Variants in AFG3L2 observed in about 807,000 individuals in gnomAD.
AFG3L2 encodes AFG3 like matrix AAA peptidase subunit 2, also known as mitochondrial inner membrane m-AAA protease component AFG3L2.
A neutral mutation model predicts 94.5 loss-of-function variants in AFG3L2; 54 were observed. The observed-to-expected ratio is 0.57, with a 90% confidence interval of 0.46 to 0.72. The LOEUF (loss-of-function observed/expected upper bound fraction) is 0.72. AFG3L2 is among the 30% of genes least tolerant of loss of function. AFG3L2 has a pLI of 0.00. For synonymous variants in AFG3L2, 377 were observed against 365.5 expected (o/e 1.03, Z -0.36); for missense variants, 754 against 994.9 (o/e 0.76, Z 3.26).
intron 16 of AFG3L2, among the ~76,000 whole-genome samples, chr18:12,333,106 T>A (rs1907619181): frequency 1.8e-5 from 1 of 56,656 alleles, no homozygotes; most frequent in Non-Finnish European, 3.5e-5. Context: ...ATCTATTATA[T>A]AACTATTATA....
At chr18:12,372,506 T>C (rs1031179819) in intron 1 of AFG3L2, among the ~76,000 whole-genome samples, 32 of 152,222 alleles carry the variant, frequency 2.1e-4, no homozygotes, top group African/African-American at 7.5e-4. Context: ...ACCACATGAC[T>C]CTATGGGTCA....
At chr18:12,344,752 G>A (rs1276468273) in intron 13 of AFG3L2, among the ~76,000 whole-genome samples, 1 of 151,610 alleles carries the variant, frequency 6.6e-6, no homozygotes, top group East Asian at 1.9e-4. Context: ...CAGAATAAAA[G>A]CAAAAGGTCA....
At chr18:12,353,302 G>A (rs900599859) in intron 9 of AFG3L2, 144 bp from the exon 10 acceptor site, 2 of 968,512 alleles carry the variant, frequency 2.1e-6, no homozygotes, top group Admixed American at 2.1e-5. Context: ...ATCACCTGAG[G>A]TCAGGAGTTC....
rs1359393745 is a variant in AFG3L2 at position 12,377,141 on chromosome 18, T to G, written c.-59A>C. 1 of 1,268,638 alleles carries G rather than the reference T, an allele frequency of 7.9e-7. No homozygotes were observed. 78.6% of individuals were successfully genotyped at this position (1,268,638 alleles called of 1,614,324 possible). A position where few individuals can be genotyped will look rare whatever the true frequency, so the allele number is the denominator to read the frequency against. On this transcript the variant is annotated 5_prime_UTR_variant, in exon 1 of 17. Transcript: ENST00000269143. ...TGCGCAGGCGCGGGCAGGCGACGAC[T>G]GGCGGCCTCGGGAAGCGGGCTCGGC...
intron 6 of AFG3L2, among the ~76,000 whole-genome samples, chr18:12,360,733 C>T (rs1427613902): frequency 3.3e-5 from 5 of 152,202 alleles, no homozygotes; most frequent in Admixed American, 3.3e-4. Flanking sequence ...TCCTATTGTA[C>T]TCGTGTCTAC....
chr18:12,332,940 C>CATATACCATATAAT (rs1568131835), intron 16 of AFG3L2, among the ~76,000 whole-genome samples: 2 of 112,216 alleles, frequency 1.8e-5, no homozygotes, highest in South Asian at 4.9e-4. Context: ...TACTATATAA[C>CATATACCATATAAT]ATATAATATA....
At chr18:12,376,888 G>A in intron 1 of AFG3L2, 81 bp downstream of exon 1, 5 of 1,126,038 alleles carry the variant, frequency 4.4e-6, no homozygotes, top group Non-Finnish European at 5.8e-6. Context: ...GCGGGGGCCA[G>A]TGACCTTGAC....
intron 16 of AFG3L2, among the ~76,000 whole-genome samples, chr18:12,332,269 G>A (rs991641278): frequency 4.6e-5 from 7 of 151,706 alleles, no homozygotes; most frequent in East Asian, 3.9e-4. Context: ...GATTACAGGC[G>A]TCCACCACCA....
rs144286730 is a variant in AFG3L2 at position 12,350,626 on chromosome 18, T to C, written c.1552+459A>G. On this transcript the variant is annotated intron_variant, in intron 12 of 16. Coordinates refer to ENST00000269143, the MANE Select transcript of AFG3L2 (RefSeq NM_006796.3). ...CATTACACCATTTCCTCAAAATCTG[T>C]GTATGTTTGAAATTTCCCATAATAA... Among the ~76,000 whole-genome samples, 146 of 152,280 alleles carry C rather than the reference T, an allele frequency of 9.6e-4. 1 individual carries two copies. Among genetic ancestry groups the C allele is most frequent in the African/African-American group, 3.4e-3 (142 of 41,562 alleles).
chr18:12,349,140 A>G (rs979299143), intron 12 of AFG3L2, among the ~76,000 whole-genome samples: 38 of 152,262 alleles, frequency 2.5e-4, no homozygotes, highest in African/African-American at 8.7e-4. Flanking sequence ...ACATTAAAAA[A>G]TTATTGGAAT....
At chr18:12,363,760 A>G in intron 6 of AFG3L2, 22 bp downstream of exon 6, 2 of 1,586,828 alleles carry the variant, frequency 1.3e-6, no homozygotes. Flanking sequence ...ACTAATTCAC[A>G]TCAATTAATA....
At chr18:12,339,560 A>AC (rs944393926) in intron 15 of AFG3L2, among the ~76,000 whole-genome samples, 8 of 150,398 alleles carry the variant, frequency 5.3e-5, no homozygotes, top group Admixed American at 2.0e-4. Flanking sequence ...ATCAAAAAAA[A>AC]AAAAAAACAA....
chr18:12,331,630 C>A (rs1421023765), intron 16 of AFG3L2, among the ~76,000 whole-genome samples: 1 of 151,952 alleles, frequency 6.6e-6, no homozygotes, highest in East Asian at 1.9e-4. Context: ...CCTGTCTCTA[C>A]TAAAAATACA....
chr18:12,376,681 GCCA>G (rs1909167378), intron 1 of AFG3L2, among the ~76,000 whole-genome samples: 1 of 152,238 alleles, frequency 6.6e-6, no homozygotes, highest in Admixed American at 6.5e-5. Flanking sequence ...GACAAGGACG[GCCA>G]CCAAGCCAAC....
chr18:12,370,885 CT>C lies in AFG3L2; in HGVS notation c.255del (p.Ala86LeufsTer99). 3.8e-6 allele frequency: 6 copies of C among 1,586,964 alleles called. No individual in the cohort carries two copies. The highest frequency in any genetic ancestry group is 1.7e-5 in the Admixed American group (1 of 59,084). On this transcript the variant is annotated frameshift_variant, in exon 3 of 17. Transcript: ENST00000269143. LOFTEE classifies it high-confidence loss of function. ...KYFPNGKNGKKASEPKEVMGE... is the reference protein window; with the variant it reads ...KYFPNGKNGKXASEPKEVMGE... ...CCCATAACTTCTTTAGGTTCACTAG[CT>C]TTTTTTCCATTTTTTCCATTAGGAA...
chr18:12,363,314 CA>C (rs1383158517), intron 6 of AFG3L2, among the ~76,000 whole-genome samples: 1 of 152,054 alleles, frequency 6.6e-6, no homozygotes, highest in African/African-American at 2.4e-5. Flanking sequence ...AGAGGAACTA[CA>C]AATTATTTTT....
At chr18:12,346,947 G>A (rs984822513) in intron 13 of AFG3L2, among the ~76,000 whole-genome samples, 8 of 144,840 alleles carry the variant, frequency 5.5e-5, no homozygotes, top group Non-Finnish European at 9.0e-5. Context: ...GACCAGCCTG[G>A]CCAACGTGGT....
intron 13 of AFG3L2, among the ~76,000 whole-genome samples, chr18:12,345,156 C>G (rs1568137069): frequency 6.6e-6 from 1 of 152,208 alleles, no homozygotes; most frequent in Non-Finnish European, 1.5e-5. Context: ...GGCCCTATGG[C>G]TCAGAGCAAG....
At chr18:12,336,453 C>T (rs562121049) in intron 16 of AFG3L2, among the ~76,000 whole-genome samples, 7 of 152,292 alleles carry the variant, frequency 4.6e-5, no homozygotes, top group African/African-American at 1.7e-4. Context: ...AACCAACCAG[C>T]CAGCATTCCT....
Sources: gnomAD v4.1 joint callset for allele counts (sites outside exome capture counted in the v4.1 genomes callset) on GRCh38, gnomAD v4.1.1 for gene constraint, MANE v1.5 for transcripts, NCBI Gene and HGNC (gene_info 2026-07-23, HGNC 2026-07-21) for gene names.